PRRC2C: variants seen among roughly 807,000 people sequenced by gnomAD.
The protein encoded by PRRC2C is proline rich coiled-coil 2C, also known as protein PRRC2C.
Under a neutral mutation model 317.2 loss-of-function variants are expected in PRRC2C, and 72 were observed. The ratio of observed to expected loss-of-function variants is 0.23; its 90% CI spans 0.19 to 0.28. PRRC2C has a LOEUF of 0.28. Ranked by LOEUF, PRRC2C falls within the 10% of genes least tolerant of loss-of-function variation. The pLI, the probability that PRRC2C is intolerant of heterozygous loss-of-function variation, is 1.00. For synonymous variants in PRRC2C, 1,296 were observed against 1,205.9 expected (o/e 1.07, Z -1.55); for missense variants, 3,074 against 3,459.7 (o/e 0.89, Z 2.80).
chr1:171,562,207 G>T (rs74122868), intron 20 of PRRC2C, among the ~76,000 whole-genome samples: 1 of 152,288 alleles, frequency 6.6e-6, no homozygotes, highest in African/African-American at 2.4e-5. Flanking sequence ...TCAGATAATA[G>T]CAAATATGAA....
At chr1:171,552,071 A>T (rs1314316694) in intron 18 of PRRC2C, among the ~76,000 whole-genome samples, 1 of 152,164 alleles carries the variant, frequency 6.6e-6, no homozygotes, top group African/African-American at 2.4e-5. Flanking sequence ...CGTTTTTACG[A>T]TACTGATTCT....
At chr1:171,555,227 G>T (rs1681143152) in intron 18 of PRRC2C, among the ~76,000 whole-genome samples, 2 of 152,090 alleles carry the variant, frequency 1.3e-5, no homozygotes, top group Non-Finnish European at 2.9e-5. Flanking sequence ...TTCAGTCACT[G>T]ATACACTTTC....
intron 30 of PRRC2C, among the ~76,000 whole-genome samples, chr1:171,586,276 A>G (rs1463344347): frequency 6.7e-6 from 1 of 150,068 alleles, no homozygotes; most frequent in Non-Finnish European, 1.5e-5. Context: ...TTTTTAGTAG[A>G]GACGGAGTTT....
At chr1:171,568,141 T>TGC in intron 22 of PRRC2C, 106 bp from the exon 23 acceptor site, 10 of 1,385,022 alleles carry the variant, frequency 7.2e-6, no homozygotes, top group Non-Finnish European at 8.5e-6. Context: ...GCTGAGATCA[T>TGC]GCCACTGCAC....
intron 24 of PRRC2C, among the ~76,000 whole-genome samples, chr1:171,572,760 A>C (rs1685001452): frequency 6.6e-6 from 1 of 152,200 alleles, no homozygotes; most frequent in African/African-American, 2.4e-5. Context: ...AGCAAATATA[A>C]TGTCATCTTT....
At chr1:171,490,002 C>G (rs1666828841) in intron 1 of PRRC2C, among the ~76,000 whole-genome samples, 1 of 152,140 alleles carries the variant, frequency 6.6e-6, no homozygotes, top group Non-Finnish European at 1.5e-5. Context: ...TCACTGCAAC[C>G]TCTCCCTCCC....
chr1:171,529,038 C>G (rs1249069529), intron 11 of PRRC2C, among the ~76,000 whole-genome samples: 2 of 152,260 alleles, frequency 1.3e-5, no homozygotes, highest in East Asian at 1.9e-4. Flanking sequence ...CAAGATACCA[C>G]CTTGACCTAC....
Position 171,557,508 on chromosome 1 carries a change from C to T in PRRC2C, c.5396C>T (p.Thr1799Ile). Residue 1799 changes from threonine (T) to isoleucine (I), a missense_variant, in exon 19 of 35, where the codon ACC becomes ATC. Physicochemically the swap from Thr to Ile is moderately conservative, Grantham distance 89. Around this residue, in one of 11 missense-constraint regions of PRRC2C, gnomAD observed 640 missense variants for 676.1 expected, o/e 0.95. Transcript: ENST00000647382. ...ACTTTAGCTCCAGTTCTGGCCTCAACCTCAGCTCCAGTTCCAGCCTCACCC... is the reference window on the plus strand; with the variant it reads ...ACTTTAGCTCCAGTTCTGGCCTCAATCTCAGCTCCAGTTCCAGCCTCACCC... ...ASTLAPVLAS[T>I]SAPVPASPLA... 1.3e-6 allele frequency: 2 copies of T among 1,551,616 alleles called. No individual in the cohort carries two copies. Among genetic ancestry groups the T allele is most frequent in the South Asian group, 1.2e-5 (1 of 84,050 alleles).
intron 13 of PRRC2C, among the ~76,000 whole-genome samples, 180 bp from the exon 14 acceptor site, chr1:171,535,849 T>C (rs1557940641): frequency 6.6e-6 from 1 of 152,208 alleles, no homozygotes; most frequent in Non-Finnish European, 1.5e-5. Context: ...GAGTATAAGG[T>C]AAAATGTTAT....
At chr1:171,572,913 C>A (rs562892426) in intron 24 of PRRC2C, among the ~76,000 whole-genome samples, 5 of 152,118 alleles carry the variant, frequency 3.3e-5, no homozygotes, top group Non-Finnish European at 7.4e-5. Context: ...CCTCTGATTT[C>A]TTTATTTTTA....
intron 28 of PRRC2C, among the ~76,000 whole-genome samples, chr1:171,582,857 T>TA (rs35348195): frequency 0.52 from 76,257 of 147,862 alleles, 19,957 homozygotes; most frequent in East Asian, 0.79. Flanking sequence ...CTAAATTTGT[T>TA]AAAAAAAAAA....
chr1:171,546,640 C>A (rs1249397192), intron 17 of PRRC2C, among the ~76,000 whole-genome samples: 1 of 152,096 alleles, frequency 6.6e-6, no homozygotes, highest in Non-Finnish European at 1.5e-5. Context: ...TACTCTGTTG[C>A]CCAGGCTGGT....
intron 28 of PRRC2C, among the ~76,000 whole-genome samples, chr1:171,581,535 T>C (rs1187240769): frequency 2.6e-5 from 4 of 152,214 alleles, no homozygotes; most frequent in Non-Finnish European, 5.9e-5. Context: ...AAGACACATA[T>C]ATAATTGTGG....
intron 13 of PRRC2C, 96 bp from the exon 14 acceptor site, chr1:171,535,933 A>C: frequency 1.4e-6 from 2 of 1,439,746 alleles, no homozygotes; most frequent in Middle Eastern, 1.8e-4. Flanking sequence ...TTTTCCTTCA[A>C]GGATTCAAAA....
At position 171,535,544 on chromosome 1, in the gene PRRC2C, G is replaced by A; in HGVS notation, c.1990G>A (p.Gly664Ser). Residue 664 changes from glycine to serine, a missense_variant, in exon 13 of 35, where the codon GGC becomes AGC. This residue lies in a region of PRRC2C where 1,320 missense variants were observed against 1,395.7 expected (regional missense o/e 0.95). Coordinates refer to ENST00000647382, the MANE Select transcript of PRRC2C (RefSeq NM_001387844.1). ...TCAACCTCGGCCGGCTGTATTATCT[G>A]GCTATTTCAAACAGTTTCAGAAGTC... Reference protein sequence around the residue: ...GSQPRPAVLSGYFKQFQKSLP... With the variant: ...GSQPRPAVLSSYFKQFQKSLP... The A allele has an allele frequency of 1.2e-6, 2 of 1,613,994 alleles. No homozygotes were observed. The highest frequency in any genetic ancestry group is 1.7e-6 in the Non-Finnish European group (2 of 1,179,882).
intron 1 of PRRC2C, 39 bp downstream of exon 1, chr1:171,485,774 G>C (rs1665902098): frequency 6.6e-6 from 1 of 152,200 alleles, no homozygotes; most frequent in Non-Finnish European, 1.5e-5. Flanking sequence ...GATCAAAGAG[G>C]GCCCCATCGG....
In PRRC2C at chr1:171,496,199, C is replaced by CTTTTTTTTTTTTTTTTTT. The variant is rs528654548; in HGVS notation, c.-58+10471_-58+10488dup. On this transcript the variant is annotated intron_variant, in intron 1 of 34. Coordinates refer to ENST00000647382, the MANE Select transcript of PRRC2C (RefSeq NM_001387844.1). Reference sequence around the variant, plus strand: ...ATTTTTAGAGCTTTGATTTTTGTGCCTTTTTTTTTTTTTTTTTTTTTTTTG... The same window carrying CTTTTTTTTTTTTTTTTTT: ...ATTTTTAGAGCTTTGATTTTTGTGCCTTTTTTTTTTTTTTTTTTTTTTTTTTTTTTTTTTTTTTTTTTG... Among the ~76,000 whole-genome samples the CTTTTTTTTTTTTTTTTTT allele has an allele frequency of 2.0e-4, 15 of 75,656 alleles. 2 individuals carry two copies. Among genetic ancestry groups the CTTTTTTTTTTTTTTTTTT allele is most frequent in the Admixed American group, 3.3e-4 (2 of 5,998 alleles). 49.6% of individuals were successfully genotyped at this position (75,656 alleles called of 152,430 possible).
intron 18 of PRRC2C, 69 bp downstream of exon 18, chr1:171,550,309 C>T: frequency 7.2e-7 from 1 of 1,382,888 alleles, no homozygotes; most frequent in East Asian, 2.5e-5. Flanking sequence ...AGCAAATGTT[C>T]AAGGTTTTTA....
Position 171,541,211 on chromosome 1 carries a change from G to A in PRRC2C, c.3745G>A (p.Glu1249Lys), listed in dbSNP as rs766151736. 6.2e-7 allele frequency: 1 copy of A among 1,613,506 alleles called. No individual in the cohort carries two copies. The highest frequency in any genetic ancestry group is 1.1e-5 in the South Asian group (1 of 90,992). ...GCGAGAAGAAAGTGAAACACGGAGTGAGAGCTCTGATTTTGAAGTTGTCCC... is the reference window on the plus strand; with the variant it reads ...GCGAGAAGAAAGTGAAACACGGAGTAAGAGCTCTGATTTTGAAGTTGTCCC... ...RQREESETRS[E>K]SSDFEVVPKR... The change falls in exon 16 of 35, where the codon GAG (glutamate) becomes AAG (lysine). Residue 1249 changes from glutamate (E) to lysine (K), a missense_variant. By Grantham distance (56) the Glu-to-Lys change is moderately conservative (BLOSUM62 1). Around this residue, in one of 11 missense-constraint regions of PRRC2C, gnomAD observed 1,320 missense variants for 1,395.7 expected, o/e 0.95. Coordinates refer to ENST00000647382, the MANE Select transcript of PRRC2C (RefSeq NM_001387844.1). This position sits in a 1 kb window ranked among gnomAD's most constrained non-coding sequence, Gnocchi z 4.1.
Sources: allele counts gnomAD v4.1 joint callset (sites outside exome capture counted in the v4.1 genomes callset), GRCh38; gene constraint gnomAD v4.1.1; regional missense constraint gnomAD v4.1.1; non-coding constraint Gnocchi (gnomAD v3.1); transcripts MANE v1.5; gene names NCBI Gene and HGNC (gene_info 2026-07-23, HGNC 2026-07-21).